The following VTI1A variants were observed in gnomAD, a reference collection of about 807,000 sequenced individuals.
The protein encoded by VTI1A is vesicle transport through interaction with t-SNAREs homolog 1A.
In VTI1A, 22 loss-of-function variants were observed where a neutral mutation model predicts 34.9. That is an observed-to-expected ratio of 0.63 (90% confidence interval 0.45 to 0.90). VTI1A has a LOEUF of 0.90. Ranked by LOEUF, VTI1A falls within the 40% of genes least tolerant of loss-of-function variation. VTI1A has a pLI of 0.00. For missense variants in VTI1A, 268 were observed against 275.6 expected (o/e 0.97, Z 0.20); for synonymous variants, 87 against 97.3 (o/e 0.89, Z 0.62).
the VTI1A span, chr10:112,831,686 T>C: frequency 6.6e-6 from 1 of 152,208 alleles, no homozygotes; most frequent in Admixed American, 6.5e-5. Flanking sequence ...GAATAGACAC[T>C]GCCTATTGAT....
chr10:112,535,660 A>G (rs1803070578), intron 4 of VTI1A, among the ~76,000 whole-genome samples: 1 of 152,116 alleles, frequency 6.6e-6, no homozygotes, highest in Non-Finnish European at 1.5e-5. Flanking sequence ...ACACAAGTTG[A>G]GCTCTGTCTG....
intron 7 of VTI1A, among the ~76,000 whole-genome samples, chr10:112,800,222 G>A (rs369744817): frequency 2.5e-4 from 38 of 152,198 alleles, no homozygotes; most frequent in African/African-American, 8.9e-4. Flanking sequence ...GGCCGTCAAC[G>A]AGTATCCCCA....
At chr10:112,741,368 T>C (rs1171799107) in intron 7 of VTI1A, among the ~76,000 whole-genome samples, 2 of 152,162 alleles carry the variant, frequency 1.3e-5, no homozygotes, top group Non-Finnish European at 2.9e-5. Context: ...GGCAGGAGTA[T>C]CACTTGAGCC....
At chr10:112,531,061 CCT>C (rs1554896984) in intron 4 of VTI1A, among the ~76,000 whole-genome samples, 2,266 of 90,276 alleles carry the variant, frequency 0.025, 34 homozygotes, top group African/African-American at 0.047. Flanking sequence ...ACGTGACACA[CCT>C]CACACACACA....
chr10:112,650,569 T>C (rs1846971886), intron 5 of VTI1A, among the ~76,000 whole-genome samples: 1 of 152,262 alleles, frequency 6.6e-6, no homozygotes, highest in South Asian at 2.1e-4. Flanking sequence ...TCCAGCATTA[T>C]GTACTGTGCA....
At chr10:112,590,601 G>C (rs892361314) in intron 5 of VTI1A, among the ~76,000 whole-genome samples, 1 of 152,048 alleles carries the variant, frequency 6.6e-6, no homozygotes, top group Non-Finnish European at 1.5e-5. Context: ...AGGATTGTTT[G>C]AGCCTAGGAG....
intron 5 of VTI1A, among the ~76,000 whole-genome samples, chr10:112,626,900 C>T (rs145573633): frequency 6.1e-4 from 93 of 152,322 alleles, no homozygotes; most frequent in African/African-American, 2.2e-3. Context: ...TTTTCACTTC[C>T]AAGATATTTT....
chr10:112,465,583 TTATGCTA>T (rs1163187929), intron 3 of VTI1A, among the ~76,000 whole-genome samples: 3 of 152,212 alleles, frequency 2.0e-5, no homozygotes, highest in Non-Finnish European at 4.4e-5. Flanking sequence ...CTCGAAGACA[TTATGCTA>T]TGTGAAATAA....
chr10:112,700,799 A>T (rs1232167687), intron 7 of VTI1A, among the ~76,000 whole-genome samples: 1 of 152,236 alleles, frequency 6.6e-6, no homozygotes, highest in Non-Finnish European at 1.5e-5. Context: ...ATATAACAAG[A>T]AGTAAAAGTT....
intron 7 of VTI1A, among the ~76,000 whole-genome samples, chr10:112,777,042 C>T (rs537969884): frequency 7.2e-5 from 11 of 152,268 alleles, no homozygotes; most frequent in African/African-American, 1.9e-4. Flanking sequence ...CTAAAACTCA[C>T]ATCTTTCAAA....
At chr10:112,454,273 A>G (rs547041905) in intron 1 of VTI1A, among the ~76,000 whole-genome samples, 1 of 152,312 alleles carries the variant, frequency 6.6e-6, no homozygotes, top group African/African-American at 2.4e-5. Context: ...CTGATTAAGC[A>G]CTTCTGTAAA....
intron 7 of VTI1A, among the ~76,000 whole-genome samples, chr10:112,698,914 C>T (rs1848889587): frequency 6.6e-6 from 1 of 152,164 alleles, no homozygotes; most frequent in African/African-American, 2.4e-5. Flanking sequence ...TTCAGTCCAC[C>T]AGAGAAGAAA....
chr10:112,836,974 C>T, the VTI1A span, among the ~76,000 whole-genome samples: 5 of 152,206 alleles, frequency 3.3e-5, no homozygotes, highest in South Asian at 2.1e-4. Context: ...AGAGCCACTT[C>T]GGAGCTCAGG....
chr10:112,449,519 C>A (rs746749966), intron 1 of VTI1A: 4 of 152,192 alleles, frequency 2.6e-5, no homozygotes, highest in African/African-American at 9.7e-5. Flanking sequence ...TTTGGGAGGC[C>A]GAGGCAGACG....
At chr10:112,457,345 A>G (rs1428998591) in intron 1 of VTI1A, among the ~76,000 whole-genome samples, 2 of 152,132 alleles carry the variant, frequency 1.3e-5, no homozygotes, top group Non-Finnish European at 2.9e-5. Flanking sequence ...TTGAAAACTG[A>G]TTGTGTATGC....
chr10:112,632,805 G>A (rs187044676), intron 5 of VTI1A, among the ~76,000 whole-genome samples: 41 of 152,288 alleles, frequency 2.7e-4, no homozygotes, highest in Non-Finnish European at 5.3e-4. Flanking sequence ...GGATTGGTTT[G>A]CATATGTAGT....
At chr10:112,790,037 G>A (rs1039794321) in intron 7 of VTI1A, among the ~76,000 whole-genome samples, 5 of 151,512 alleles carry the variant, frequency 3.3e-5, no homozygotes, top group Non-Finnish European at 7.4e-5. Flanking sequence ...CAACACAAGA[G>A]TCTAGTATTT....
chr10:112,547,157 G>A (rs1156477933), intron 5 of VTI1A, among the ~76,000 whole-genome samples: 2 of 152,058 alleles, frequency 1.3e-5, no homozygotes, highest in Non-Finnish European at 2.9e-5. Context: ...GCATGTGCCT[G>A]TAGTCCCAGC....
At chr10:112,629,328 AT>A (rs1255214119) in intron 5 of VTI1A, among the ~76,000 whole-genome samples, 4 of 152,134 alleles carry the variant, frequency 2.6e-5, no homozygotes, top group African/African-American at 9.7e-5. Flanking sequence ...GTTGCTTTGG[AT>A]TTTCACAGAA....
Sources: allele counts gnomAD v4.1 joint callset (sites outside exome capture counted in the v4.1 genomes callset), GRCh38; gene constraint gnomAD v4.1.1; transcripts MANE v1.5; gene names NCBI Gene and HGNC (gene_info 2026-07-23, HGNC 2026-07-21).